Variants in CCDC93 observed in about 807,000 individuals in gnomAD.
CCDC93 encodes the protein CCC complex scaffolding subunit CCDC93, also known as coiled-coil domain-containing protein 93.
Under a neutral mutation model 108.2 loss-of-function variants are expected in CCDC93, and 61 were observed. That is an observed-to-expected ratio of 0.56 (90% CI 0.46 to 0.70). CCDC93 has a LOEUF of 0.70. Among genes scored for constraint, CCDC93 ranks in the 30% least tolerant of loss-of-function variants. CCDC93 has a pLI of 0.00. For synonymous variants in CCDC93, 276 were observed against 260.4 expected (o/e 1.06, Z -0.58); for missense variants, 685 against 764.2 (o/e 0.90, Z 1.22).
intron 1 of CCDC93, among the ~76,000 whole-genome samples, chr2:118,010,141 G>A (rs1216816935): frequency 1.3e-5 from 2 of 151,836 alleles, no homozygotes; most frequent in Admixed American, 1.3e-4. Flanking sequence ...ATTTTTAGTA[G>A]AGATGGGGTT....
intron 13 of CCDC93, chr2:117,950,381 C>G (rs975620654): frequency 1.1e-5 from 11 of 985,316 alleles, no homozygotes; most frequent in Non-Finnish European, 1.3e-5. Context: ...CAGCCTCACA[C>G]ACACGAAATT....
At chr2:117,940,607 AG>A (rs1678669240) in intron 19 of CCDC93, among the ~76,000 whole-genome samples, 2 of 152,210 alleles carry the variant, frequency 1.3e-5, no homozygotes, top group Admixed American at 1.3e-4. Context: ...ATGTGTGGCT[AG>A]GGGACTTGGA....
chr2:117,975,378 C>T, intron 8 of CCDC93, 98 bp from the exon 9 acceptor site: 1 of 847,438 alleles, frequency 1.2e-6, no homozygotes, highest in Non-Finnish European at 1.9e-6. Flanking sequence ...GAAAAAAACA[C>T]AGACCTGCAG....
intron 3 of CCDC93, among the ~76,000 whole-genome samples, chr2:118,002,145 G>C (rs1319337988): frequency 6.6e-6 from 1 of 152,126 alleles, no homozygotes; most frequent in Non-Finnish European, 1.5e-5. Context: ...AATAGACAAA[G>C]GTCCAGGTAA....
At chr2:117,962,611 C>T (rs920538444) in intron 11 of CCDC93, among the ~76,000 whole-genome samples, 1 of 152,130 alleles carries the variant, frequency 6.6e-6, no homozygotes, top group Non-Finnish European at 1.5e-5. Context: ...CCACTACACT[C>T]CAGCCTGGGC....
At chr2:117,930,271 T>A (rs13399839) in intron 23 of CCDC93, among the ~76,000 whole-genome samples, 109 of 152,320 alleles carry the variant, frequency 7.2e-4, no homozygotes, top group African/African-American at 2.4e-3. Context: ...CAGCAGTCTC[T>A]AAACTCACTG....
At chr2:117,967,053 C>T (rs1391711669) in intron 11 of CCDC93, among the ~76,000 whole-genome samples, 1 of 152,144 alleles carries the variant, frequency 6.6e-6, no homozygotes, top group African/African-American at 2.4e-5. Flanking sequence ...AGTGCAGTGG[C>T]GCGATCTCAG....
intron 19 of CCDC93, among the ~76,000 whole-genome samples, chr2:117,939,377 C>G (rs982667991): frequency 2.0e-5 from 3 of 152,154 alleles, no homozygotes; most frequent in African/African-American, 7.2e-5. Context: ...AACCAGCCAC[C>G]CTTACCTCAT....
chr2:117,995,415 T>A, intron 6 of CCDC93, 31 bp downstream of exon 6: 1 of 1,560,964 alleles, frequency 6.4e-7, no homozygotes, highest in African/African-American at 1.4e-5. Flanking sequence ...TACGCAGGAC[T>A]CTGACAGAAG....
In CCDC93 at chr2:117,953,728, CAAAAA is replaced by C. The variant is rs11310138; in HGVS notation, c.1006-1298_1006-1294del. On this transcript the variant is annotated intron_variant, in intron 12 of 23. Coordinates refer to ENST00000376300, the MANE Select transcript of CCDC93 (RefSeq NM_019044.5). ...CAACAAAGTGAGACTCTGCTGTCTC[CAAAAA>C]AAAAAAAAAAAAATTAGCCCGGCAT... 3.8e-5 allele frequency among the ~76,000 whole-genome samples: 5 copies of C among 132,240 alleles called. No homozygotes were observed. The East Asian group carries it at 9.0e-4, about 24-fold the overall frequency. The allele number at this position is 132,240 out of a possible 152,430, so 86.8% of individuals were successfully genotyped here.
rs908015789 is a variant in CCDC93 at position 117,949,374 on chromosome 2, G to T, written c.1090C>A (p.Leu364Met). 1 of 1,613,478 alleles carries T rather than the reference G, an allele frequency of 6.2e-7. No homozygotes were observed. Among genetic ancestry groups the T allele is most frequent in the Non-Finnish European group, 8.5e-7 (1 of 1,179,398 alleles). ...TCGAGGGCTGCTTGCTCTTTGTCCA[G>T]TTTCTCACTGTAAGTCTTCAGCTGC... The part of the protein sequence containing the change: ...LTELKTYSEK[L>M]DKEQAALEKI... Residue 364 changes from leucine to methionine, a missense_variant, in exon 14 of 24, where the codon CTG becomes ATG. Leu to Met is a conservative substitution (Grantham distance 15, BLOSUM62 2). Coordinates refer to ENST00000376300, the MANE Select transcript of CCDC93 (RefSeq NM_019044.5).
chr2:117,994,598 T>C (rs75474818), intron 6 of CCDC93, among the ~76,000 whole-genome samples: 11,324 of 152,284 alleles, frequency 0.074, 519 homozygotes, highest in South Asian at 0.15. Context: ...GGAAAGACTC[T>C]GTAGGCAGTT....
chr2:117,996,973 A>T (rs1558802049), intron 4 of CCDC93: 1 of 152,270 alleles, frequency 6.6e-6, no homozygotes, highest in Non-Finnish European at 1.5e-5. Flanking sequence ...AATCCTCACA[A>T]TGTCGGATGG....
intron 3 of CCDC93, among the ~76,000 whole-genome samples, chr2:118,003,785 G>C (rs1449504996): frequency 6.6e-6 from 1 of 152,184 alleles, no homozygotes; most frequent in African/African-American, 2.4e-5. Flanking sequence ...AGTCTGGACA[G>C]TCTTGGCAGC....
At chr2:117,990,316 T>G (rs1470266154) in intron 6 of CCDC93, among the ~76,000 whole-genome samples, 1 of 152,180 alleles carries the variant, frequency 6.6e-6, no homozygotes, top group Non-Finnish European at 1.5e-5. Context: ...TGGGCAGGCC[T>G]TCTACAAAGC....
At chr2:117,955,107 A>G (rs1679177941) in intron 12 of CCDC93, among the ~76,000 whole-genome samples, 1 of 152,240 alleles carries the variant, frequency 6.6e-6, no homozygotes, top group Non-Finnish European at 1.5e-5. Context: ...GGATAATAAT[A>G]GTACCTCCCC....
In CCDC93 at chr2:117,941,235, G is replaced by A. The variant is rs1227283077; in HGVS notation, c.1476C>T (p.Ala492=). 10 of 1,613,928 alleles carry A rather than the reference G, an allele frequency of 6.2e-6. No individual in the cohort carries two copies. Among genetic ancestry groups the A allele is most frequent in the African/African-American group, 2.7e-5 (2 of 74,994 alleles). Reference sequence around the variant, plus strand: ...ATCTCTTCTGATACTGTATTAGCTCGGCACGGCTAGGGACTTCATCAATCT... The same window carrying A: ...ATCTCTTCTGATACTGTATTAGCTCAGCACGGCTAGGGACTTCATCAATCT... ...HRKIDEVPSR[A]ELIQYQKRFI... is the part of the protein sequence containing the mutation. The change falls in exon 19 of 24, where the codon GCC becomes GCT. Residue 492 remains alanine (A), a synonymous_variant. Coordinates refer to ENST00000376300, the MANE Select transcript of CCDC93 (RefSeq NM_019044.5).
intron 11 of CCDC93, among the ~76,000 whole-genome samples, chr2:117,960,028 G>C (rs371153324): frequency 4.6e-5 from 7 of 152,112 alleles, no homozygotes; most frequent in African/African-American, 1.7e-4. Context: ...ACTTTGATTG[G>C]ATTGACCTGA....
At chr2:117,978,336 C>T (rs1041033792) in intron 7 of CCDC93, among the ~76,000 whole-genome samples, 9 of 152,172 alleles carry the variant, frequency 5.9e-5, no homozygotes, top group African/African-American at 9.6e-5. Context: ...TTCAGAGCCA[C>T]GGTTTAAGCT....
Sources: gnomAD v4.1 joint callset for allele counts (sites outside exome capture counted in the v4.1 genomes callset) on GRCh38, gnomAD v4.1.1 for gene constraint, MANE v1.5 for transcripts, NCBI Gene and HGNC (gene_info 2026-07-23, HGNC 2026-07-21) for gene names.